The following AQP9 variants were observed in gnomAD, a reference collection of about 807,000 sequenced individuals.
The protein encoded by AQP9 is aquaporin-9.
A neutral mutation model predicts 23.8 loss-of-function variants in AQP9; 19 were observed. The ratio of observed to expected loss-of-function variants is 0.80; its 90% CI spans 0.56 to 1.17. The LOEUF is 1.17. AQP9 is among the 50% of genes most tolerant of loss of function. AQP9 has a pLI of 0.00. For missense variants in AQP9, 413 were observed against 362.0 expected (o/e 1.14, Z -1.14); for synonymous variants, 153 against 131.5 (o/e 1.16, Z -1.12).
Position 58,138,472 on chromosome 15 carries a change from C to A in AQP9, c.-94C>A. 1 of 918,654 alleles carries A rather than the reference C, an allele frequency of 1.1e-6. No homozygotes were observed. 56.9% of individuals were successfully genotyped at this position (918,654 alleles called of 1,614,324 possible). A position where few individuals can be genotyped will look rare whatever the true frequency, so the allele number is the denominator to read the frequency against. On this transcript the variant is annotated 5_prime_UTR_variant, in exon 1 of 6. Coordinates refer to ENST00000219919, the MANE Select transcript of AQP9 (RefSeq NM_020980.5). ...CAGACATCTCCAGGAATCTGTGAGC[C>A]ATTGTCAAAACGTCCATTTTCATCT...
In AQP9 at chr15:58,179,311, A is replaced by G; in HGVS notation, c.679A>G (p.Thr227Ala). The G allele has an allele frequency of 6.2e-7, 1 of 1,613,890 alleles. No homozygotes were observed. Among genetic ancestry groups the G allele is most frequent in the Non-Finnish European group, 8.5e-7 (1 of 1,179,938 alleles). The change falls in exon 5 of 6, where the codon ACT (threonine) becomes GCT (alanine). Residue 227 changes from threonine to alanine, a missense_variant. Physicochemically the swap from Thr to Ala is moderately conservative, Grantham distance 58. Transcript: ENST00000219919. ...TCGAGACCTGAGTCCCAGACTTTTC[A>G]CTGCCTTGGCAGGCTGGGGGTTTGA... ...PARDLSPRLF[T>A]ALAGWGFEVF...
chr15:58,155,758 C>G (rs182748394), intron 1 of AQP9: 11 of 152,308 alleles, frequency 7.2e-5, no homozygotes, highest in African/African-American at 2.6e-4. Flanking sequence ...ATACCTCGCC[C>G]CACATTAAAC....
At chr15:58,163,982 T>C (rs1272767595) in intron 1 of AQP9, 1 of 152,460 alleles carries the variant, frequency 6.6e-6, no homozygotes, top group Non-Finnish European at 1.5e-5. Context: ...CAGGCTACAA[T>C]AAAACATTTC....
chr15:58,139,360 G>A (rs990271078), intron 1 of AQP9, among the ~76,000 whole-genome samples: 1 of 152,156 alleles, frequency 6.6e-6, no homozygotes, highest in Non-Finnish European at 1.5e-5. Context: ...CTTGAGGATT[G>A]CCCAGAGATT....
chr15:58,143,220 G>T (rs57970674), intron 1 of AQP9, among the ~76,000 whole-genome samples: 1 of 152,154 alleles, frequency 6.6e-6, no homozygotes, highest in Admixed American at 6.5e-5. Context: ...GAACGTCTGA[G>T]GTTCTAAATC....
At position 58,184,140 on chromosome 15, in the gene AQP9, A is replaced by G. The variant is rs377733309; in HGVS notation, c.*5A>G. 3 of 1,613,312 alleles carry G rather than the reference A, an allele frequency of 1.9e-6. No homozygotes were observed. The highest frequency in any genetic ancestry group is 2.5e-6 in the Non-Finnish European group (3 of 1,179,436). On this transcript the variant is annotated 3_prime_UTR_variant, in exon 6 of 6. Coordinates refer to ENST00000219919, the MANE Select transcript of AQP9 (RefSeq NM_020980.5). ...GAACTCAGTGTCATCATGTAGTGGCATGCTCAGCTCTGGATTTGCAGTCAG... is the reference window on the plus strand; with the variant it reads ...GAACTCAGTGTCATCATGTAGTGGCGTGCTCAGCTCTGGATTTGCAGTCAG...
chr15:58,157,900 T>C (rs1433997518), intron 1 of AQP9, among the ~76,000 whole-genome samples: 1 of 152,170 alleles, frequency 6.6e-6, no homozygotes, highest in Non-Finnish European at 1.5e-5. Flanking sequence ...AAAAGGATTT[T>C]CATTTCTAGG....
chr15:58,138,881 A>C, intron 1 of AQP9: 2 of 500,862 alleles, frequency 4.0e-6, no homozygotes, highest in Non-Finnish European at 7.2e-6. Context: ...GCATTTACCC[A>C]CAAAAGTTGA....
At chr15:58,178,457 C>G (rs28568664) in intron 4 of AQP9, among the ~76,000 whole-genome samples, 6 of 151,938 alleles carry the variant, frequency 3.9e-5, no homozygotes, top group African/African-American at 9.7e-5. Flanking sequence ...GTGTAATTCT[C>G]AAACATCCAG....
In AQP9 at chr15:58,150,868, C is replaced by T. The variant is rs1352427818; in HGVS notation, c.111+12192C>T. 4 of 152,156 alleles carry T rather than the reference C, an allele frequency of 2.6e-5. No individual in the cohort carries two copies. The East Asian group carries it at 7.7e-4, about 29-fold the overall frequency. 9.4% of individuals were successfully genotyped at this position (152,156 alleles called of 1,614,324 possible). ...TGCCATGAGCCCTTCAAACAAACAACCTGACACTAATAATCAGCACAGCCC... is the reference window on the plus strand; with the variant it reads ...TGCCATGAGCCCTTCAAACAAACAATCTGACACTAATAATCAGCACAGCCC... On this transcript the variant is annotated intron_variant, in intron 1 of 5. Coordinates refer to ENST00000219919, the MANE Select transcript of AQP9 (RefSeq NM_020980.5).
Position 58,177,258 on chromosome 15 carries a change from C to T in AQP9, c.496-1870C>T, listed in dbSNP as rs530353706. Among the ~76,000 whole-genome samples the T allele has an allele frequency of 2.0e-3, 304 of 152,312 alleles. 1 individual carries two copies. Among genetic ancestry groups the T allele is most frequent in the Non-Finnish European group, 3.7e-3 (252 of 68,022 alleles). ...AATCAATCATTTATTTACCCAATAA[C>T]TATTTACTGGGCACCTACTTAGCCA... On this transcript the variant is annotated intron_variant, in intron 4 of 5. Coordinates refer to ENST00000219919, the MANE Select transcript of AQP9 (RefSeq NM_020980.5).
intron 5 of AQP9, among the ~76,000 whole-genome samples, chr15:58,180,117 C>T (rs1898849376): frequency 6.6e-6 from 1 of 152,148 alleles, no homozygotes; most frequent in Non-Finnish European, 1.5e-5. Flanking sequence ...ACAAAATTTG[C>T]CCCTTCACTA....
intron 4 of AQP9, among the ~76,000 whole-genome samples, chr15:58,175,485 A>G (rs1475534724): frequency 6.6e-6 from 1 of 152,124 alleles, no homozygotes; most frequent in African/African-American, 2.4e-5. Context: ...ATTTATTTAA[A>G]CTCTCAAGGT....
chr15:58,142,490 T>C (rs1464184436), intron 1 of AQP9, among the ~76,000 whole-genome samples: 1 of 152,216 alleles, frequency 6.6e-6, no homozygotes, highest in Non-Finnish European at 1.5e-5. Context: ...TTACAGGAGA[T>C]CTGCTAGCAG....
intron 3 of AQP9, among the ~76,000 whole-genome samples, chr15:58,174,290 G>GA (rs1353284910): frequency 2.7e-5 from 3 of 110,310 alleles, no homozygotes; most frequent in African/African-American, 3.5e-5. Flanking sequence ...CTCCAAAGAA[G>GA]AAAAAAAAGA....
At chr15:58,145,581 C>T (rs1898030894) in intron 1 of AQP9, among the ~76,000 whole-genome samples, 1 of 151,834 alleles carries the variant, frequency 6.6e-6, no homozygotes, top group Admixed American at 6.6e-5. Context: ...TTAAAAAATT[C>T]TAACTCCAAT....
At chr15:58,178,073 TAG>T (rs1190083662) in intron 4 of AQP9, among the ~76,000 whole-genome samples, 1 of 152,158 alleles carries the variant, frequency 6.6e-6, no homozygotes, top group Non-Finnish European at 1.5e-5. Flanking sequence ...TATAATAATC[TAG>T]AGATGATTTA....
At chr15:58,149,534 G>A (rs1431065255) in intron 1 of AQP9, among the ~76,000 whole-genome samples, 2 of 152,232 alleles carry the variant, frequency 1.3e-5, no homozygotes, top group African/African-American at 4.8e-5. Flanking sequence ...ATAGGTCATT[G>A]TGAGGACTGA....
chr15:58,168,116 G>A (rs757712807), intron 2 of AQP9, among the ~76,000 whole-genome samples: 4 of 151,884 alleles, frequency 2.6e-5, no homozygotes, highest in Non-Finnish European at 4.4e-5. Flanking sequence ...TGACTTCCCA[G>A]GCTCAAACAA....
Sources: gnomAD v4.1 joint callset for allele counts (sites outside exome capture counted in the v4.1 genomes callset) on GRCh38, gnomAD v4.1.1 for gene constraint, MANE v1.5 for transcripts, NCBI Gene and HGNC (gene_info 2026-07-23, HGNC 2026-07-21) for gene names.